SUPT3H: variants seen among roughly 807,000 people sequenced by gnomAD.
SUPT3H encodes SPT3 homolog, SAGA and STAGA complex component.
In SUPT3H, 44 loss-of-function variants were observed where a neutral mutation model predicts 44.3. The ratio of observed to expected loss-of-function variants is 0.99; its 90% CI spans 0.78 to 1.28. The LOEUF is 1.28. SUPT3H is among the 50% of genes most tolerant of loss of function. SUPT3H has a pLI of 0.00. For missense variants in SUPT3H, 380 were observed against 387.1 expected (o/e 0.98, Z 0.15); for synonymous variants, 124 against 125.6 (o/e 0.99, Z 0.09).
downstream of SUPT3H, among the ~76,000 whole-genome samples, chr6:44,824,861 C>T (rs562790110): frequency 2.6e-4 from 40 of 152,280 alleles, no homozygotes; most frequent in African/African-American, 9.4e-4. Flanking sequence ...CACCACTTCC[C>T]CCAGACCTGC....
chr6:44,941,003 T>A (rs1355872203), intron 9 of SUPT3H, among the ~76,000 whole-genome samples: 1 of 152,140 alleles, frequency 6.6e-6, no homozygotes, highest in African/African-American at 2.4e-5. Flanking sequence ...ATGTTTTGTT[T>A]TTTCCATCCA....
chr6:45,339,421 T>C lies in SUPT3H; in HGVS notation c.101+25780A>G, dbSNP rs116429340. Among the ~76,000 whole-genome samples, 690 of 152,298 alleles carry C rather than the reference T, an allele frequency of 4.5e-3. 3 individuals carry two copies. The highest frequency in any genetic ancestry group is 0.016 in the African/African-American group (646 of 41,570). On this transcript the variant is annotated intron_variant, in intron 2 of 10. Transcript: ENST00000371459. Reference sequence around the variant, plus strand: ...AAATAAGCTAAAGACAAAATGCATATCCAAAATATATTAATTCCAAATTGT... The same window carrying C: ...AAATAAGCTAAAGACAAAATGCATACCCAAAATATATTAATTCCAAATTGT...
chr6:45,061,636 G>C (rs1421888241), intron 3 of SUPT3H, among the ~76,000 whole-genome samples: 2 of 152,032 alleles, frequency 1.3e-5, no homozygotes, highest in Non-Finnish European at 2.9e-5. Context: ...AGAAATTAGG[G>C]ATTGTTTATG....
At chr6:45,372,677 G>A (rs1383556258) in intron 1 of SUPT3H, among the ~76,000 whole-genome samples, 3 of 151,930 alleles carry the variant, frequency 2.0e-5, no homozygotes, top group Non-Finnish European at 4.4e-5. Context: ...TTTTCTTTTT[G>A]AGACAGGGTC....
chr6:45,031,067 A>C (rs1193550214), intron 3 of SUPT3H, among the ~76,000 whole-genome samples: 1 of 152,176 alleles, frequency 6.6e-6, no homozygotes, highest in Non-Finnish European at 1.5e-5. Context: ...TTGTCTCATA[A>C]CATTTTTTAA....
At chr6:45,025,921 A>G (rs1445639269) in intron 3 of SUPT3H, among the ~76,000 whole-genome samples, 1 of 151,456 alleles carries the variant, frequency 6.6e-6, no homozygotes, top group African/African-American at 2.4e-5. Context: ...AATTAAGTTG[A>G]TTATTCCACA....
chr6:44,860,983 A>G (rs575726698), intron 10 of SUPT3H, among the ~76,000 whole-genome samples: 1 of 152,148 alleles, frequency 6.6e-6, no homozygotes, highest in African/African-American at 2.4e-5. Flanking sequence ...TACTGCAGAA[A>G]AGAACTAGAT....
rs188838759 is a variant in SUPT3H, at chr6:45,230,538, T to C, written c.102-124532A>G. Among the ~76,000 whole-genome samples, 4 of 138,354 alleles carry C rather than the reference T, an allele frequency of 2.9e-5. No homozygotes were observed. The Admixed American group carries it at 2.9e-4, about 10-fold the overall frequency. 90.8% of individuals were successfully genotyped at this position (138,354 alleles called of 152,430 possible). A position where few individuals can be genotyped will look rare whatever the true frequency, so the allele number is the denominator to read the frequency against. On this transcript the variant is annotated intron_variant, in intron 2 of 10. Coordinates refer to ENST00000371459, the MANE Select transcript of SUPT3H (RefSeq NM_003599.4). ...AAGTATATCTACTTCTGCTCACTTT[T>C]GGTTTCTGTTTGCATGGACTATCCT...
intron 11 of SUPT3H, among the ~76,000 whole-genome samples, chr6:44,817,698 T>C (rs1418075718): frequency 1.3e-5 from 2 of 152,014 alleles, no homozygotes; most frequent in Non-Finnish European, 2.9e-5. Flanking sequence ...AAATGAATAA[T>C]GAATAATTGG....
chr6:45,025,114 A>G (rs1785760993), intron 3 of SUPT3H, among the ~76,000 whole-genome samples: 1 of 152,208 alleles, frequency 6.6e-6, no homozygotes, highest in Non-Finnish European at 1.5e-5. Context: ...GCACACTCAC[A>G]CATACTTACT....
intron 3 of SUPT3H, among the ~76,000 whole-genome samples, chr6:45,062,564 T>C (rs568724691): frequency 1.3e-5 from 2 of 152,290 alleles, no homozygotes; most frequent in South Asian, 4.1e-4. Context: ...TGCATCTCAC[T>C]AGGGAGTGCC....
chr6:44,986,564 G>C (rs967135020), intron 6 of SUPT3H, among the ~76,000 whole-genome samples: 1 of 152,082 alleles, frequency 6.6e-6, no homozygotes, highest in Non-Finnish European at 1.5e-5. Flanking sequence ...ACAATACTTT[G>C]AGTTGAGATG....
chr6:44,942,432 C>A (rs1252308780), intron 9 of SUPT3H, among the ~76,000 whole-genome samples: 1 of 152,166 alleles, frequency 6.6e-6, no homozygotes, highest in African/African-American at 2.4e-5. Context: ...CTAAGGGCAG[C>A]ATCCAGTGGG....
rs564604932 is a variant in SUPT3H at position 45,296,969 on chromosome 6, G to A, written c.101+68232C>T. Among the ~76,000 whole-genome samples, 11 of 148,554 alleles carry A rather than the reference G, an allele frequency of 7.4e-5. 1 individual carries two copies. The highest frequency in any genetic ancestry group is 2.7e-4 in the Admixed American group (4 of 14,816). On this transcript the variant is annotated intron_variant, in intron 2 of 10. Transcript: ENST00000371459. Reference sequence around the variant, plus strand: ...AAAGGAAGGACTACAAATGTATAGCGTAATCTGCTCAGGTGATGAGTACAC... The same window carrying A: ...AAAGGAAGGACTACAAATGTATAGCATAATCTGCTCAGGTGATGAGTACAC...
At chr6:45,132,129 A>C (rs1386789530) in intron 2 of SUPT3H, among the ~76,000 whole-genome samples, 2 of 152,220 alleles carry the variant, frequency 1.3e-5, no homozygotes, top group Non-Finnish European at 2.9e-5. Context: ...GACAGCAGGT[A>C]ACTGAAACTG....
chr6:44,980,799 C>T (rs1018609582), intron 6 of SUPT3H, among the ~76,000 whole-genome samples: 3 of 152,088 alleles, frequency 2.0e-5, no homozygotes, highest in Non-Finnish European at 4.4e-5. Context: ...TTTTTAAATG[C>T]AATTTATGTA....
At chr6:44,844,983 G>C (rs114386842) in intron 10 of SUPT3H, among the ~76,000 whole-genome samples, 1 of 152,126 alleles carries the variant, frequency 6.6e-6, no homozygotes, top group Admixed American at 6.5e-5. Context: ...ATCACAGGCA[G>C]GATGTACTTG....
chr6:45,176,207 A>G (rs1273614250), intron 2 of SUPT3H, among the ~76,000 whole-genome samples: 1 of 151,862 alleles, frequency 6.6e-6, no homozygotes, highest in Non-Finnish European at 1.5e-5. Context: ...GGCGCAGGTC[A>G]GTGGGTGCGC....
chr6:45,133,067 T>G (rs770162095), intron 2 of SUPT3H, among the ~76,000 whole-genome samples: 1 of 152,134 alleles, frequency 6.6e-6, no homozygotes, highest in Non-Finnish European at 1.5e-5. Context: ...AGAGTAAACA[T>G]ACACACAGAC....
Sources: gnomAD v4.1 joint callset for allele counts (sites outside exome capture counted in the v4.1 genomes callset) on GRCh38, gnomAD v4.1.1 for gene constraint, MANE v1.5 for transcripts, NCBI Gene and HGNC (gene_info 2026-07-23, HGNC 2026-07-21) for gene names.